Variants in TRIM44 observed in about 807,000 individuals in gnomAD.
TRIM44 encodes the protein tripartite motif containing 44.
A neutral mutation model predicts 37.4 loss-of-function variants in TRIM44; 13 were observed. That is an observed-to-expected ratio of 0.35 (90% CI 0.23 to 0.55). The LOEUF is 0.55. TRIM44 is among the 20% of genes least tolerant of loss of function. The pLI is 0.89. For synonymous variants in TRIM44, 175 were observed against 157.2 expected (o/e 1.11, Z -0.85); for missense variants, 426 against 437.2 (o/e 0.97, Z 0.23).
intron 2 of TRIM44, among the ~76,000 whole-genome samples, chr11:35,700,899 A>C (rs1590519713): frequency 6.6e-6 from 1 of 152,348 alleles, no homozygotes; most frequent in East Asian, 1.9e-4. Flanking sequence ...AAAATATTTA[A>C]GGGCGTATTC....
intron 3 of TRIM44, among the ~76,000 whole-genome samples, chr11:35,731,419 CT>C (rs1852257754): frequency 6.6e-6 from 1 of 152,038 alleles, no homozygotes; most frequent in Non-Finnish European, 1.5e-5. Flanking sequence ...CCTTGCATTT[CT>C]GAGATAAAGT....
Position 35,663,369 on chromosome 11 carries a change from G to A in TRIM44, c.258G>A (p.Glu86=), listed in dbSNP as rs905349446. The A allele has an allele frequency of 6.2e-7, 1 of 1,612,754 alleles. No homozygotes were observed. The highest frequency in any genetic ancestry group is 1.3e-5 in the African/African-American group (1 of 75,002). The change falls in exon 1 of 5, where the codon GAG becomes GAA. Residue 86 remains glutamate, a synonymous_variant. Transcript: ENST00000299413. ...AGKEEAEVKV[E]QEREIESEAG... ...AGGAAGAAGCGGAGGTCAAGGTGGAGCAGGAGAGGGAGATAGAAAGCGAGG... is the reference window on the plus strand; with the variant it reads ...AGGAAGAAGCGGAGGTCAAGGTGGAACAGGAGAGGGAGATAGAAAGCGAGG...
intron 4 of TRIM44, among the ~76,000 whole-genome samples, chr11:35,737,742 A>G (rs1250708446): frequency 2.0e-5 from 3 of 152,092 alleles, no homozygotes; most frequent in Non-Finnish European, 4.4e-5. Flanking sequence ...AGGCTAAGGC[A>G]GGAGAATTGC....
At chr11:35,707,018 T>C (rs1194063344) in intron 2 of TRIM44, among the ~76,000 whole-genome samples, 6 of 152,080 alleles carry the variant, frequency 3.9e-5, no homozygotes, top group Non-Finnish European at 7.4e-5. Flanking sequence ...AAAACCCCAT[T>C]GTTTCAGCCC....
At chr11:35,740,319 G>A (rs1852379985) in intron 4 of TRIM44, among the ~76,000 whole-genome samples, 1 of 152,108 alleles carries the variant, frequency 6.6e-6, no homozygotes, top group Admixed American at 6.5e-5. Flanking sequence ...GTGGCAATAG[G>A]ATCTGTTGGC....
At chr11:35,707,510 C>A (rs1266328012) in intron 2 of TRIM44, among the ~76,000 whole-genome samples, 1 of 152,146 alleles carries the variant, frequency 6.6e-6, no homozygotes, top group Non-Finnish European at 1.5e-5. Context: ...TGACTTCAAA[C>A]TATACTACAA....
In TRIM44 at chr11:35,666,399, T is replaced by A. The variant is rs190959162; in HGVS notation, c.669+2619T>A. ...CACTTTACATTTCTTAGAATCATAG[T>A]ATTAAAAAGCCTGCAGGAGTGTATT... is the stretch of plus-strand genomic sequence containing the variant. On this transcript the variant is annotated intron_variant, in intron 1 of 4. Transcript: ENST00000299413. Among the ~76,000 whole-genome samples, 356 of 152,344 alleles carry A rather than the reference T, an allele frequency of 2.3e-3. 2 individuals carry two copies. The highest frequency in any genetic ancestry group is 8.3e-3 in the African/African-American group (343 of 41,574).
chr11:35,685,853 G>A (rs1172691753), intron 2 of TRIM44, among the ~76,000 whole-genome samples: 5 of 152,040 alleles, frequency 3.3e-5, no homozygotes, highest in East Asian at 1.9e-4. Context: ...TAGTAGAGAC[G>A]GGGTTTCACC....
In TRIM44 at chr11:35,790,643, C is replaced by T. The variant is rs186521332; in HGVS notation, c.1008-15715C>T. ...CTGAACTGCAGTACAAGGAGAGCCT[C>T]TGGTAAGATTGGCTGAAAGTAAATT... On this transcript the variant is annotated intron_variant, in intron 4 of 4. Transcript: ENST00000299413. 9.8e-5 allele frequency among the ~76,000 whole-genome samples: 15 copies of T among 152,308 alleles called. No individual in the cohort carries two copies. The East Asian group carries it at 2.9e-3, about 29-fold the overall frequency.
Position 35,764,876 on chromosome 11 carries a change from T to A in TRIM44, c.1007+29431T>A, listed in dbSNP as rs1029625875. 4.6e-5 allele frequency among the ~76,000 whole-genome samples: 7 copies of A among 152,100 alleles called. No individual in the cohort carries two copies. In the East Asian group the frequency reaches 1.3e-3, roughly 29 times the overall value. On this transcript the variant is annotated intron_variant, in intron 4 of 4. Coordinates refer to ENST00000299413, the MANE Select transcript of TRIM44 (RefSeq NM_017583.6). The stretch of plus-strand genomic sequence containing the variant: ...TTACTTTGACTTCTCAGTATTAAAT[T>A]TATTATGCAGTATGAGCTCTCTGAA...
At chr11:35,770,000 G>T (rs1047382924) in intron 4 of TRIM44, among the ~76,000 whole-genome samples, 5 of 152,026 alleles carry the variant, frequency 3.3e-5, no homozygotes, top group African/African-American at 1.2e-4. Context: ...GGGTACAATT[G>T]ATCCTATCAC....
At chr11:35,716,938 A>G (rs1480264276) in intron 2 of TRIM44, among the ~76,000 whole-genome samples, 1 of 152,200 alleles carries the variant, frequency 6.6e-6, no homozygotes, top group African/African-American at 2.4e-5. Context: ...CATCATCATG[A>G]TAATTAATTG....
At chr11:35,772,127 G>T (rs1197954643) in intron 4 of TRIM44, among the ~76,000 whole-genome samples, 1 of 152,234 alleles carries the variant, frequency 6.6e-6, no homozygotes, top group African/African-American at 2.4e-5. Context: ...AGCCTTGACA[G>T]CTGCCACATG....
At chr11:35,789,696 C>T (rs144377316) in intron 4 of TRIM44, among the ~76,000 whole-genome samples, 48 of 152,250 alleles carry the variant, frequency 3.2e-4, no homozygotes, top group African/African-American at 1.1e-3. Context: ...TCAGTTAAGC[C>T]GTCTTAGAGG....
At chr11:35,747,687 G>A (rs1038172336) in intron 4 of TRIM44, among the ~76,000 whole-genome samples, 2 of 152,220 alleles carry the variant, frequency 1.3e-5, no homozygotes, top group African/African-American at 2.4e-5. Context: ...TGCCTAAGGT[G>A]GAATGAACAG....
At chr11:35,802,316 C>T (rs1372538630) in intron 4 of TRIM44, among the ~76,000 whole-genome samples, 2 of 152,176 alleles carry the variant, frequency 1.3e-5, no homozygotes, top group Non-Finnish European at 2.9e-5. Flanking sequence ...GTCTCCTTTA[C>T]TATTGCTTGC....
chr11:35,807,551 T>C lies in TRIM44; in HGVS notation c.*1166T>C, dbSNP rs571133468. ...AATCACAATTTCTTACAACCAAGCT[T>C]TGTGCTCCCGAGTAAGCAGGGATGT... On this transcript the variant is annotated 3_prime_UTR_variant, in exon 5 of 5. Coordinates refer to ENST00000299413, the MANE Select transcript of TRIM44 (RefSeq NM_017583.6). 1 of 152,246 alleles carries C rather than the reference T, an allele frequency of 6.6e-6. No homozygotes were observed. Among genetic ancestry groups the C allele is most frequent in the Non-Finnish European group, 1.5e-5 (1 of 68,010 alleles). The allele number at this position is 152,246 out of a possible 1,614,324, so 9.4% of individuals were successfully genotyped here. A position where few individuals can be genotyped will look rare whatever the true frequency, so the allele number is the denominator to read the frequency against.
chr11:35,757,322 T>C (rs1190835855), intron 4 of TRIM44, among the ~76,000 whole-genome samples: 1 of 152,232 alleles, frequency 6.6e-6, no homozygotes, highest in Non-Finnish European at 1.5e-5. Flanking sequence ...GATGGTAGTT[T>C]GTATTTCTGT....
intron 2 of TRIM44, among the ~76,000 whole-genome samples, chr11:35,723,612 G>A (rs906569604): frequency 6.6e-6 from 1 of 152,176 alleles, no homozygotes; most frequent in Admixed American, 6.6e-5. Context: ...TTAAAGCCAT[G>A]GGAAATAGAG....
Sources: allele counts gnomAD v4.1 joint callset (sites outside exome capture counted in the v4.1 genomes callset), GRCh38; gene constraint gnomAD v4.1.1; transcripts MANE v1.5; gene names NCBI Gene and HGNC (gene_info 2026-07-23, HGNC 2026-07-21).